VWA3B: variants seen among roughly 807,000 people sequenced by gnomAD.
The protein encoded by VWA3B is von Willebrand factor A domain containing 3B, also known as von Willebrand factor A domain-containing protein 3B.
A neutral mutation model predicts 158.3 loss-of-function variants in VWA3B; 138 were observed. The ratio of observed to expected loss-of-function variants is 0.87; its 90% CI spans 0.76 to 1.00. The LOEUF is 1.00. Among genes scored for constraint, VWA3B ranks in the 50% least tolerant of loss-of-function variants. VWA3B has a pLI of 0.00. For missense variants in VWA3B, 1,555 were observed against 1,565.1 expected (o/e 0.99, Z 0.11); for synonymous variants, 596 against 587.3 (o/e 1.01, Z -0.21).
intron 13 of VWA3B, among the ~76,000 whole-genome samples, chr2:98,215,586 C>T (rs1350704592): frequency 6.6e-6 from 1 of 151,212 alleles, no homozygotes; most frequent in Non-Finnish European, 1.5e-5. Flanking sequence ...GGCGCAATCT[C>T]GGCTCACTGC....
At chr2:98,302,029 T>C (rs1220741270) in intron 25 of VWA3B, among the ~76,000 whole-genome samples, 14 of 152,190 alleles carry the variant, frequency 9.2e-5, no homozygotes, top group Admixed American at 9.2e-4. Context: ...CTGCCTCCTC[T>C]CAACCCACAC....
At chr2:98,124,379 T>C (rs1010940135) in intron 5 of VWA3B, among the ~76,000 whole-genome samples, 1 of 152,152 alleles carries the variant, frequency 6.6e-6, no homozygotes, top group Non-Finnish European at 1.5e-5. Context: ...CTGAGTCTTG[T>C]AGGACCCTGG....
chr2:98,185,719 C>T (rs995699205), intron 9 of VWA3B, among the ~76,000 whole-genome samples: 1 of 152,238 alleles, frequency 6.6e-6, no homozygotes, highest in Non-Finnish European at 1.5e-5. Flanking sequence ...GCCGAATTGT[C>T]CTTGTCCTGT....
intron 7 of VWA3B, among the ~76,000 whole-genome samples, chr2:98,141,005 C>A (rs1256245327): frequency 6.6e-6 from 1 of 152,168 alleles, no homozygotes; most frequent in Non-Finnish European, 1.5e-5. Context: ...GGGCAGGTAG[C>A]AGGGTCACAT....
chr2:98,142,714 A>G (rs1373630905), intron 7 of VWA3B, among the ~76,000 whole-genome samples: 1 of 152,200 alleles, frequency 6.6e-6, no homozygotes, highest in Non-Finnish European at 1.5e-5. Flanking sequence ...GGAGGTGGAG[A>G]CCACTGAGAT....
chr2:98,206,343 G>C (rs958051582), intron 12 of VWA3B: 2 of 188,674 alleles, frequency 1.1e-5, no homozygotes, highest in Non-Finnish European at 2.2e-5. Flanking sequence ...TATTGTGGTG[G>C]TCATTGATGC....
chr2:98,312,474 CCT>C lies in VWA3B; in HGVS notation c.*126_*127del. The stretch of plus-strand genomic sequence containing the variant: ...CGCCCTCCGCGCCGCCTATGCCTGC[CCT>C]GTCTGTAGCAAAGACTCCTCTCCCC... On this transcript the variant is annotated 3_prime_UTR_variant, in exon 28 of 28. Transcript: ENST00000477737. The C allele has an allele frequency of 8.2e-7, 1 of 1,218,078 alleles. No individual in the cohort carries two copies. The highest frequency in any genetic ancestry group is 1.1e-6 in the Non-Finnish European group (1 of 896,670). The allele number at this position is 1,218,078 out of a possible 1,614,324, so 75.5% of individuals were successfully genotyped here.
intron 7 of VWA3B, among the ~76,000 whole-genome samples, chr2:98,138,263 A>G (rs1676444094): frequency 6.6e-6 from 1 of 152,174 alleles, no homozygotes; most frequent in Non-Finnish European, 1.5e-5. Flanking sequence ...TTCCGTGGCC[A>G]GTGTCTCCCG....
chr2:98,153,523 G>GA (rs1445315526), intron 7 of VWA3B, among the ~76,000 whole-genome samples: 5 of 152,108 alleles, frequency 3.3e-5, no homozygotes, highest in African/African-American at 4.8e-5. Flanking sequence ...TGCTTAAAGG[G>GA]AAAAAATAAC....
chr2:98,260,219 T>G (rs921584503), intron 21 of VWA3B, among the ~76,000 whole-genome samples: 1 of 151,714 alleles, frequency 6.6e-6, no homozygotes, highest in South Asian at 2.1e-4. Context: ...GTTTTGGATA[T>G]GTTTGTTAAG....
intron 2 of VWA3B, among the ~76,000 whole-genome samples, chr2:98,103,651 T>C (rs1299897610): frequency 1.2e-4 from 18 of 152,234 alleles, no homozygotes; most frequent in Non-Finnish European, 2.5e-4. Flanking sequence ...CTGTAAGATT[T>C]TGATCTTTTG....
chr2:98,303,515 CAAT>C (rs1002536296), intron 25 of VWA3B, among the ~76,000 whole-genome samples, 184 bp from the exon 26 acceptor site: 6 of 151,744 alleles, frequency 4.0e-5, no homozygotes, highest in African/African-American at 1.2e-4. Flanking sequence ...AGAGAGGACT[CAAT>C]GATGACTTTT....
intron 7 of VWA3B, among the ~76,000 whole-genome samples, chr2:98,146,315 C>G (rs1677170463): frequency 6.6e-6 from 1 of 152,098 alleles, no homozygotes; most frequent in Non-Finnish European, 1.5e-5. Flanking sequence ...TATTGATCAC[C>G]ATGGAATGGA....
chr2:98,222,080 T>A (rs1181777962), intron 14 of VWA3B, among the ~76,000 whole-genome samples: 1 of 152,002 alleles, frequency 6.6e-6, no homozygotes, highest in East Asian at 1.9e-4. Context: ...GCCCCCACGG[T>A]GGTCCTCCCC....
chr2:98,167,638 G>A (rs1010282316), intron 8 of VWA3B, among the ~76,000 whole-genome samples: 1 of 152,236 alleles, frequency 6.6e-6, no homozygotes, highest in African/African-American at 2.4e-5. Context: ...AGAGGAGACA[G>A]ATGCACAGAG....
At chr2:98,312,175 G>A in intron 27 of VWA3B, 25 bp from the exon 28 acceptor site, 1 of 1,614,148 alleles carries the variant, frequency 6.2e-7, no homozygotes. Flanking sequence ...ACATCCTTAA[G>A]TAATGCTGAA....
chr2:98,151,806 A>G (rs1273677407), intron 7 of VWA3B, among the ~76,000 whole-genome samples: 6 of 152,228 alleles, frequency 3.9e-5, no homozygotes, highest in Non-Finnish European at 1.5e-5. Flanking sequence ...ATTAAAGCAT[A>G]CGACACACAT....
At chr2:98,313,561 C>T (rs760968980), downstream of VWA3B, among the ~76,000 whole-genome samples, 63 of 152,210 alleles carry the variant, frequency 4.1e-4, no homozygotes, top group Non-Finnish European at 7.2e-4. Context: ...GTTTAGAAAC[C>T]ACCCAGTCAT....
intron 21 of VWA3B, among the ~76,000 whole-genome samples, chr2:98,260,881 T>C (rs1687438765): frequency 2.0e-5 from 3 of 151,756 alleles, no homozygotes; most frequent in African/African-American, 4.8e-5. Context: ...CCATGGAATA[T>C]CTTTTTTCAT....
Sources: allele counts gnomAD v4.1 joint callset (sites outside exome capture counted in the v4.1 genomes callset), GRCh38; gene constraint gnomAD v4.1.1; transcripts MANE v1.5; gene names NCBI Gene and HGNC (gene_info 2026-07-23, HGNC 2026-07-21).